The following SYNPR variants were observed in gnomAD, a reference collection of about 807,000 sequenced individuals.
SYNPR encodes the protein synaptoporin.
In SYNPR, 23 loss-of-function variants were observed where a neutral mutation model predicts 32.9. The observed-to-expected ratio is 0.70, with a 90% confidence interval of 0.50 to 0.99. The LOEUF (loss-of-function observed/expected upper bound fraction) is 0.99. Ranked by LOEUF, SYNPR falls within the 50% of genes least tolerant of loss-of-function variation. The pLI is 0.00. For missense variants in SYNPR, 318 were observed against 349.3 expected (o/e 0.91, Z 0.71); for synonymous variants, 146 against 135.9 (o/e 1.07, Z -0.52).
intron 1 of SYNPR, among the ~76,000 whole-genome samples, chr3:63,237,993 G>T (rs2086212260): frequency 6.6e-6 from 1 of 152,118 alleles, no homozygotes; most frequent in African/African-American, 2.4e-5. Flanking sequence ...GGACTTGCTT[G>T]ATGTTGTTGG....
intron 2 of SYNPR, among the ~76,000 whole-genome samples, chr3:63,386,765 G>T (rs2088051889): frequency 6.6e-6 from 1 of 152,106 alleles, no homozygotes; most frequent in Non-Finnish European, 1.5e-5. Context: ...AGCCTGGTGG[G>T]AGCCAGTGAG....
chr3:63,413,425 T>G (rs1039924360), intron 2 of SYNPR, among the ~76,000 whole-genome samples: 3 of 152,194 alleles, frequency 2.0e-5, no homozygotes, highest in Admixed American at 1.3e-4. Context: ...AGTAAATAAT[T>G]GAGAAAGAAT....
chr3:63,373,104 G>A (rs1444054702), intron 2 of SYNPR, among the ~76,000 whole-genome samples: 1 of 151,974 alleles, frequency 6.6e-6, no homozygotes, highest in African/African-American at 2.4e-5. Context: ...CATAGTTAAA[G>A]GAAATCATCC....
chr3:63,431,835 C>CTT (rs11331181), intron 2 of SYNPR, among the ~76,000 whole-genome samples: 61 of 144,608 alleles, frequency 4.2e-4, no homozygotes, highest in African/African-American at 7.1e-4. Context: ...TTTCCCTTTT[C>CTT]TTTTTTTTTT....
At chr3:63,468,006 C>G (rs570431796) in intron 2 of SYNPR, among the ~76,000 whole-genome samples, 4 of 151,720 alleles carry the variant, frequency 2.6e-5, no homozygotes, top group Non-Finnish European at 4.4e-5. Flanking sequence ...TTGAGACCAC[C>G]CTGACCAACA....
chr3:63,201,418 G>A, the SYNPR span, among the ~76,000 whole-genome samples: 2,230 of 152,200 alleles, frequency 0.015, 58 homozygotes, highest in African/African-American at 0.051. Flanking sequence ...AATCATGTCT[G>A]CAAAATATGT....
intron 4 of SYNPR, among the ~76,000 whole-genome samples, chr3:63,592,988 AT>A (rs777814551): frequency 6.6e-6 from 1 of 152,074 alleles, no homozygotes; most frequent in Non-Finnish European, 1.5e-5. Context: ...CTTAGAAAGA[AT>A]TGAAATTCGA....
At chr3:63,352,559 T>G (rs897554094) in intron 2 of SYNPR, among the ~76,000 whole-genome samples, 1 of 151,798 alleles carries the variant, frequency 6.6e-6, no homozygotes, top group African/African-American at 2.4e-5. Context: ...GGGAAGCAAA[T>G]AGAAAAAAGG....
At chr3:63,586,121 G>C (rs898741090) in intron 4 of SYNPR, among the ~76,000 whole-genome samples, 2 of 152,046 alleles carry the variant, frequency 1.3e-5, no homozygotes, top group African/African-American at 4.8e-5. Context: ...CTTGGTATTT[G>C]AGAAGTTCTT....
intron 3 of SYNPR, among the ~76,000 whole-genome samples, chr3:63,517,793 C>A (rs895282501): frequency 2.0e-5 from 3 of 152,186 alleles, no homozygotes; most frequent in Non-Finnish European, 4.4e-5. Context: ...CTATAGCCAA[C>A]TCAGGGCTCC....
intron 3 of SYNPR, among the ~76,000 whole-genome samples, chr3:63,270,876 C>T (rs1486555509): frequency 2.9e-5 from 1 of 35,066 alleles, no homozygotes; most frequent in Non-Finnish European, 8.1e-5. Context: ...TCCTTCCTTC[C>T]TTCCTTCCTT....
At chr3:63,529,965 C>A (rs937121007) in intron 3 of SYNPR, among the ~76,000 whole-genome samples, 1 of 152,152 alleles carries the variant, frequency 6.6e-6, no homozygotes, top group Non-Finnish European at 1.5e-5. Flanking sequence ...CTTCCCCACT[C>A]TGGCATGGTG....
At chr3:63,612,875 C>A (rs1700219666) in intron 5 of SYNPR, among the ~76,000 whole-genome samples, 1 of 145,960 alleles carries the variant, frequency 6.9e-6, no homozygotes, top group African/African-American at 2.5e-5. Flanking sequence ...TTTTCCTCCC[C>A]TCCCCCACCC....
intron 2 of SYNPR, among the ~76,000 whole-genome samples, chr3:63,448,674 T>C (rs13099766): frequency 0.21 from 32,062 of 152,140 alleles, 3,565 homozygotes; most frequent in Non-Finnish European, 0.25. Flanking sequence ...CACTTTTTTT[T>C]TATTTAATAA....
intron 2 of SYNPR, among the ~76,000 whole-genome samples, chr3:63,405,075 G>T (rs371170522): frequency 8.5e-4 from 129 of 152,246 alleles, no homozygotes; most frequent in African/African-American, 2.9e-3. Flanking sequence ...CCCATTATTT[G>T]ATGACATTCC....
intron 2 of SYNPR, among the ~76,000 whole-genome samples, chr3:63,329,052 TG>T (rs1255934310): frequency 6.6e-6 from 1 of 152,116 alleles, no homozygotes; most frequent in African/African-American, 2.4e-5. Flanking sequence ...AGTTCTTAGG[TG>T]GTATAAAAGT....
intron 2 of SYNPR, among the ~76,000 whole-genome samples, chr3:63,313,596 ATGTG>A (rs1217141506): frequency 1.4e-5 from 2 of 144,764 alleles, no homozygotes; most frequent in African/African-American, 5.1e-5. Flanking sequence ...GCGTACATAT[ATGTG>A]TGTGTGTGTA....
Position 63,368,557 on chromosome 3 carries a change from T to C in SYNPR, c.84+89815T>C, listed in dbSNP as rs139412282. ...TTAAAGGGACAAGATTTTCTTAAGA[T>C]TAATGGGGAAGGAACAGGCCAGACG... is the stretch of plus-strand genomic sequence containing the variant. On this transcript the variant is annotated intron_variant, in intron 2 of 5. Coordinates refer to ENST00000478300, the MANE Select transcript of SYNPR (RefSeq NM_001130003.2). 5.8e-3 allele frequency among the ~76,000 whole-genome samples: 883 copies of C among 152,152 alleles called. 6 individuals carry two copies. Among genetic ancestry groups the C allele is most frequent in the African/African-American group, 0.02 (819 of 41,496 alleles).
At chr3:63,354,329 T>A (rs2087547243) in intron 2 of SYNPR, among the ~76,000 whole-genome samples, 1 of 152,210 alleles carries the variant, frequency 6.6e-6, no homozygotes, top group South Asian at 2.1e-4. Flanking sequence ...AATCATCCAG[T>A]GGATCCGTCC....
Sources: allele counts gnomAD v4.1 joint callset (sites outside exome capture counted in the v4.1 genomes callset), GRCh38; gene constraint gnomAD v4.1.1; transcripts MANE v1.5; gene names NCBI Gene and HGNC (gene_info 2026-07-23, HGNC 2026-07-21).